Variants in ZNF469 observed in about 807,000 individuals in gnomAD.
ZNF469 encodes the protein zinc finger protein 469.
In ZNF469, 1 loss-of-function variant was observed where a neutral mutation model predicts 1.0. The ratio of observed to expected loss-of-function variants is 1.00; its 90% CI spans 0.35 to 4.73. ZNF469 has a LOEUF of 4.73. ZNF469 is among the 30% of genes most tolerant of loss of function. The pLI, the probability that ZNF469 is intolerant of heterozygous loss-of-function variation, is 0.16. For synonymous variants in ZNF469, 2,703 were observed against 2,363.4 expected (o/e 1.14, Z -4.17); for missense variants, 6,100 against 5,356.3 (o/e 1.14, Z -4.33).
the ZNF469 span, among the ~76,000 whole-genome samples, chr16:88,331,010 C>G: frequency 6.6e-6 from 1 of 151,770 alleles, no homozygotes; most frequent in African/African-American, 2.4e-5. Context: ...CCATCGTCAC[C>G]ATCACCATCG....
chr16:88,245,694 A>T, the ZNF469 span, among the ~76,000 whole-genome samples: 7 of 152,388 alleles, frequency 4.6e-5, no homozygotes, highest in African/African-American at 1.2e-4. Context: ...CTCATGAGTC[A>T]AGACTCCCCG....
In ZNF469 at chr16:88,429,894, AGAC is replaced by A; in HGVS notation, c.2428_2430del (p.Asp810del). On this transcript the variant is annotated inframe_deletion, in exon 3 of 3. Transcript: ENST00000565624. ...CTGGGGACGCCCAGGCCGAGGGCAA[AGAC>A]GACCCCCTGAGGACAGGCTTCCTGC... 6.5e-7 allele frequency: 1 copy of A among 1,550,148 alleles called. No homozygotes were observed. The highest frequency in any genetic ancestry group is 8.7e-7 in the Non-Finnish European group (1 of 1,146,884).
rs1461527165 is a variant in ZNF469 at position 88,434,787 on chromosome 16, C to T, written c.7317C>T (p.Leu2439=). The change falls in exon 3 of 3, where the codon CTC becomes CTT. Residue 2439 remains leucine, a synonymous_variant. Transcript: ENST00000565624. The stretch of plus-strand genomic sequence containing the variant: ...ACCAGACTCCCCAGGGGGACCCCCT[C>T]GGCCCCCAAGACCTCAAACAGAGGT... ...ASHQTPQGDP[L]GPQDLKQRSR... is the part of the protein sequence containing the mutation. The T allele has an allele frequency of 1.9e-6, 3 of 1,550,256 alleles. No homozygotes were observed. Among genetic ancestry groups the T allele is most frequent in the East Asian group, 2.4e-5 (1 of 40,932 alleles).
the ZNF469 span, among the ~76,000 whole-genome samples, chr16:88,353,404 G>GC: frequency 6.6e-6 from 1 of 152,226 alleles, no homozygotes; most frequent in African/African-American, 2.4e-5. Context: ...GTGACCCGGC[G>GC]CCCACCTCCG....
upstream of ZNF469, among the ~76,000 whole-genome samples, chr16:88,378,416 C>A (rs1399597572): frequency 6.6e-6 from 1 of 152,190 alleles, no homozygotes; most frequent in African/African-American, 2.4e-5. Flanking sequence ...GGAGAGGCCC[C>A]GTGATCGCTG....
rs781746633 is a variant in ZNF469 at position 88,439,358 on chromosome 16, G to A, written c.*26G>A. 4.8e-5 allele frequency: 74 copies of A among 1,549,654 alleles called. No individual in the cohort carries two copies. The Middle Eastern group carries it at 5.0e-4, about 11-fold the overall frequency. On this transcript the variant is annotated 3_prime_UTR_variant, in exon 3 of 3. Transcript: ENST00000565624. The stretch of plus-strand genomic sequence containing the variant: ...TTTCTAGGAGCAAGAGCCTGGGACC[G>A]GAGCTGGGCGTTCCTGTCTCGGCCT...
At chr16:88,311,649 T>C in the ZNF469 span, among the ~76,000 whole-genome samples, 4 of 152,140 alleles carry the variant, frequency 2.6e-5, no homozygotes, top group Non-Finnish European at 5.9e-5. Context: ...GTCTGGTGGT[T>C]TCAGGGCTGT....
chr16:88,127,874 G>A, the ZNF469 span, among the ~76,000 whole-genome samples: 6 of 152,248 alleles, frequency 3.9e-5, no homozygotes, highest in African/African-American at 7.2e-5. Flanking sequence ...CCTCAGTTAA[G>A]TGAGGGAGAC....
At chr16:88,160,713 C>G in the ZNF469 span, among the ~76,000 whole-genome samples, 1 of 152,254 alleles carries the variant, frequency 6.6e-6, no homozygotes, top group Non-Finnish European at 1.5e-5. Context: ...TGCTGTACCT[C>G]CCGTTGGTGG....
chr16:88,259,781 C>T, the ZNF469 span, among the ~76,000 whole-genome samples: 2 of 152,316 alleles, frequency 1.3e-5, no homozygotes, highest in Non-Finnish European at 2.9e-5. This position sits in a 1 kb window ranked among gnomAD's most constrained non-coding sequence, Gnocchi z 4.1. Context: ...TGATCCCTCC[C>T]TCCAGGGAGA....
At chr16:88,216,724 G>T in the ZNF469 span, among the ~76,000 whole-genome samples, 1 of 152,086 alleles carries the variant, frequency 6.6e-6, no homozygotes, top group Non-Finnish European at 1.5e-5. Flanking sequence ...AAATATTGCT[G>T]CCTTTTTCAT....
the ZNF469 span, among the ~76,000 whole-genome samples, chr16:88,281,258 A>G: frequency 1.1e-4 from 14 of 130,066 alleles, 3 homozygotes; most frequent in East Asian, 4.0e-3. Flanking sequence ...ATTCTTGGTC[A>G]GTACCGTGTC....
At chr16:88,119,816 G>A in the ZNF469 span, among the ~76,000 whole-genome samples, 24 of 152,338 alleles carry the variant, frequency 1.6e-4, no homozygotes, top group African/African-American at 5.8e-4. Flanking sequence ...AACTGGGAGC[G>A]TGTCGTAGGG....
At chr16:88,322,001 G>A in the ZNF469 span, among the ~76,000 whole-genome samples, 9 of 152,206 alleles carry the variant, frequency 5.9e-5, no homozygotes, top group East Asian at 1.9e-4. Context: ...AGGCCCTGGC[G>A]AGATCTCTGT....
chr16:88,381,185 C>G (rs1411249130), upstream of ZNF469, among the ~76,000 whole-genome samples: 1 of 138,740 alleles, frequency 7.2e-6, no homozygotes, highest in East Asian at 2.3e-4. Flanking sequence ...CAGACATGCA[C>G]TCACACACAT....
At chr16:88,330,341 G>T in the ZNF469 span, among the ~76,000 whole-genome samples, 1 of 152,336 alleles carries the variant, frequency 6.6e-6, no homozygotes, top group Admixed American at 6.5e-5. Flanking sequence ...TCCTGGAAGT[G>T]GACTCCACGT....
chr16:88,397,588 A>G (rs1332564241), intron 1 of ZNF469, among the ~76,000 whole-genome samples: 1 of 140,116 alleles, frequency 7.1e-6, no homozygotes, highest in African/African-American at 2.8e-5. Context: ...TGTATGTAGT[A>G]TGTGTATATA....
the ZNF469 span, among the ~76,000 whole-genome samples, chr16:88,361,063 T>G: frequency 2.0e-5 from 3 of 152,346 alleles, no homozygotes; most frequent in African/African-American, 7.2e-5. Flanking sequence ...CTTGTTTTCC[T>G]GCAGCTAGGT....
chr16:88,196,224 C>T, the ZNF469 span, among the ~76,000 whole-genome samples: 12 of 152,188 alleles, frequency 7.9e-5, no homozygotes, highest in African/African-American at 2.9e-4. Flanking sequence ...GGGACAGCAT[C>T]TACCTTTGTG....
Sources: gnomAD v4.1 joint callset for allele counts (sites outside exome capture counted in the v4.1 genomes callset) on GRCh38, gnomAD v4.1.1 for gene constraint, Gnocchi (gnomAD v3.1) non-coding constraint, MANE v1.5 for transcripts, NCBI Gene and HGNC (gene_info 2026-07-23, HGNC 2026-07-21) for gene names.